ZFAND3: variants seen among roughly 807,000 people sequenced by gnomAD.
ZFAND3 encodes AN1-type zinc finger protein 3.
In ZFAND3, 10 loss-of-function variants were observed where a neutral mutation model predicts 29.6. The observed-to-expected ratio is 0.34, with a 90% CI of 0.21 to 0.57. ZFAND3 has a LOEUF of 0.57. Ranked by LOEUF, ZFAND3 falls within the 20% of genes least tolerant of loss-of-function variation. The pLI is 0.86. For missense variants in ZFAND3, 230 were observed against 304.5 expected (o/e 0.76, Z 1.82); for synonymous variants, 128 against 112.6 (o/e 1.14, Z -0.87).
intron 2 of ZFAND3, among the ~76,000 whole-genome samples, chr6:37,964,203 G>T (rs920418756): frequency 6.6e-6 from 1 of 152,192 alleles, no homozygotes; most frequent in Non-Finnish European, 1.5e-5. Context: ...AAGTAAAAGA[G>T]ATATGAACTT....
chr6:37,857,617 G>T (rs754464419), intron 1 of ZFAND3, among the ~76,000 whole-genome samples: 1 of 152,206 alleles, frequency 6.6e-6, no homozygotes, highest in African/African-American at 2.4e-5. Flanking sequence ...GAGTAAAGGA[G>T]TTTCATTTTC....
chr6:37,958,641 G>GT (rs945911264), intron 2 of ZFAND3, among the ~76,000 whole-genome samples: 17 of 152,016 alleles, frequency 1.1e-4, no homozygotes, highest in Non-Finnish European at 1.3e-4. Flanking sequence ...GAACTACATA[G>GT]TCATAGCAAT....
At chr6:38,132,562 G>A (rs1231560793) in intron 5 of ZFAND3, among the ~76,000 whole-genome samples, 1 of 152,166 alleles carries the variant, frequency 6.6e-6, no homozygotes, top group East Asian at 1.9e-4. Context: ...GTGTGTAACC[G>A]CACTAGTCTC....
chr6:38,058,627 G>T (rs1764177061), intron 2 of ZFAND3, among the ~76,000 whole-genome samples: 1 of 152,154 alleles, frequency 6.6e-6, no homozygotes, highest in Non-Finnish European at 1.5e-5. Context: ...ATGGCTGGGG[G>T]CTTGACATGG....
At chr6:38,086,690 AC>A (rs1764764932) in intron 4 of ZFAND3, among the ~76,000 whole-genome samples, 1 of 152,238 alleles carries the variant, frequency 6.6e-6, no homozygotes, top group South Asian at 2.1e-4. Context: ...AACCGGAGTT[AC>A]AGTCATCTCC....
chr6:37,885,422 T>C (rs1377822228), intron 1 of ZFAND3, among the ~76,000 whole-genome samples: 1 of 152,130 alleles, frequency 6.6e-6, no homozygotes, highest in Admixed American at 6.5e-5. Flanking sequence ...GGAGGGCAGA[T>C]TAACTGAGGT....
intron 1 of ZFAND3, among the ~76,000 whole-genome samples, chr6:37,858,711 G>A (rs1338005054): frequency 6.6e-6 from 1 of 152,150 alleles, no homozygotes; most frequent in Non-Finnish European, 1.5e-5. Context: ...CTGCGTATGA[G>A]TGAAACCTGT....
intron 1 of ZFAND3, among the ~76,000 whole-genome samples, chr6:37,862,317 G>A (rs1764507626): frequency 1.3e-5 from 2 of 152,004 alleles, no homozygotes; most frequent in South Asian, 4.1e-4. Flanking sequence ...CCATCATACA[G>A]TATCTTAAAA....
chr6:38,064,228 A>T (rs1269108497), intron 3 of ZFAND3, among the ~76,000 whole-genome samples: 1 of 152,258 alleles, frequency 6.6e-6, no homozygotes, highest in African/African-American at 2.4e-5. Context: ...GCATACCAGG[A>T]TCGGGCCACC....
At chr6:37,892,174 A>G (rs369024150) in intron 1 of ZFAND3, among the ~76,000 whole-genome samples, 2 of 152,240 alleles carry the variant, frequency 1.3e-5, no homozygotes, top group East Asian at 1.9e-4. Context: ...TTAGAAATCA[A>G]TAGCAGAAAG....
At chr6:38,109,469 A>G (rs1412289482) in intron 4 of ZFAND3, among the ~76,000 whole-genome samples, 1 of 152,048 alleles carries the variant, frequency 6.6e-6, no homozygotes, top group African/African-American at 2.4e-5. Flanking sequence ...GGCGTGAGTC[A>G]CTGCGCCCAG....
chr6:37,940,895 A>G (rs756876743), intron 2 of ZFAND3, among the ~76,000 whole-genome samples: 13 of 152,254 alleles, frequency 8.5e-5, no homozygotes, highest in Non-Finnish European at 1.8e-4. Flanking sequence ...GTAGTGGAAC[A>G]AGAATTAGTT....
At chr6:37,900,269 C>A (rs1765295400) in intron 1 of ZFAND3, among the ~76,000 whole-genome samples, 1 of 152,008 alleles carries the variant, frequency 6.6e-6, no homozygotes, top group Non-Finnish European at 1.5e-5. Flanking sequence ...TTTATAACTT[C>A]TTTTATACTG....
intron 1 of ZFAND3, among the ~76,000 whole-genome samples, chr6:37,900,499 A>G (rs1220789488): frequency 2.0e-5 from 3 of 152,156 alleles, no homozygotes; most frequent in African/African-American, 4.8e-5. Flanking sequence ...AGTTGTTGCA[A>G]TTTTCATTAC....
chr6:38,048,578 C>G (rs1288891528), intron 2 of ZFAND3, among the ~76,000 whole-genome samples: 1 of 125,530 alleles, frequency 8.0e-6, no homozygotes, highest in Non-Finnish European at 1.6e-5. Context: ...GCCGAGATCG[C>G]GCCACTGCAC....
At chr6:37,952,178 C>A (rs1032860241) in intron 2 of ZFAND3, among the ~76,000 whole-genome samples, 1 of 152,000 alleles carries the variant, frequency 6.6e-6, no homozygotes, top group Non-Finnish European at 1.5e-5. Context: ...TTGTGTGTGT[C>A]TCGGCCAGGT....
Position 37,852,860 on chromosome 6 carries a change from C to T in ZFAND3, c.71+32844C>T, listed in dbSNP as rs60284537. Among the ~76,000 whole-genome samples, 2,410 of 152,010 alleles carry T rather than the reference C, an allele frequency of 0.016. 250 individuals carry two copies. The East Asian group carries it at 0.28, about 18-fold the overall frequency. The stretch of plus-strand genomic sequence containing the variant: ...CCTCCCAAGAAGCTGAGATCACAGG[C>T]GTGAGCCACCATGCCCAGCCTTTAT... On this transcript the variant is annotated intron_variant, in intron 1 of 5. Transcript: ENST00000287218.
At chr6:38,138,971 G>A (rs1407459098) in intron 5 of ZFAND3, among the ~76,000 whole-genome samples, 1 of 152,162 alleles carries the variant, frequency 6.6e-6, no homozygotes, top group Non-Finnish European at 1.5e-5. Flanking sequence ...TACCCTATTT[G>A]GATCTGGATG....
chr6:38,112,163 A>G (rs921040720), intron 4 of ZFAND3, among the ~76,000 whole-genome samples: 1 of 152,188 alleles, frequency 6.6e-6, no homozygotes, highest in African/African-American at 2.4e-5. Flanking sequence ...TTCTCATTCT[A>G]TTAAACATTG....
Sources: allele counts gnomAD v4.1 joint callset (sites outside exome capture counted in the v4.1 genomes callset), GRCh38; gene constraint gnomAD v4.1.1; transcripts MANE v1.5; gene names NCBI Gene and HGNC (gene_info 2026-07-23, HGNC 2026-07-21).